SNX14: variants seen among roughly 807,000 people sequenced by gnomAD.
The protein encoded by SNX14 is sorting nexin-14.
A neutral mutation model predicts 133.8 loss-of-function variants in SNX14; 93 were observed. That is an observed-to-expected ratio of 0.70 (90% CI 0.59 to 0.83). SNX14 has a LOEUF of 0.83. SNX14 is among the 40% of genes least tolerant of loss of function. SNX14 has a pLI of 0.00. For synonymous variants in SNX14, 368 were observed against 365.6 expected (o/e 1.01, Z -0.07); for missense variants, 945 against 1,094.9 (o/e 0.86, Z 1.93).
intron 21 of SNX14, among the ~76,000 whole-genome samples, chr6:85,525,014 T>C (rs1218783383): frequency 6.6e-6 from 1 of 152,198 alleles, no homozygotes; most frequent in Non-Finnish European, 1.5e-5. Context: ...TCTATCTGGA[T>C]TTCTGCTGAA....
intron 4 of SNX14, chr6:85,568,041 A>C (rs1794452835): frequency 6.6e-6 from 1 of 152,226 alleles, no homozygotes; most frequent in African/African-American, 2.4e-5. Flanking sequence ...CAAAATGTAT[A>C]TTTCATCCTT....
chr6:85,590,425 T>A (rs1802432672), intron 1 of SNX14, among the ~76,000 whole-genome samples: 1 of 152,196 alleles, frequency 6.6e-6, no homozygotes, highest in Non-Finnish European at 1.5e-5. Context: ...AGCCATTCTT[T>A]TATTCTTTTG....
chr6:85,592,967 C>G (rs1803350039), intron 1 of SNX14, among the ~76,000 whole-genome samples: 1 of 152,082 alleles, frequency 6.6e-6, no homozygotes, highest in South Asian at 2.1e-4. Context: ...TGAGCCGAGA[C>G]CGCACCACTG....
In SNX14 at chr6:85,518,019, G is replaced by T. The variant is rs760527415; in HGVS notation, c.2137C>A (p.Leu713Ile). ...GKIIKSVPGK[L>I]MKEKGQHLEP... ...AATCAGTTACTCACCTCTTTCATTA[G>T]TTTTCCAGGAACAGATTTTATAATT... Residue 713 changes from leucine to isoleucine, a missense_variant, in exon 22 of 29, where the codon CTA (leucine) becomes ATA (isoleucine). By Grantham distance (5) the Leu-to-Ile change is conservative. This residue lies in a region of SNX14 where 412 missense variants were observed against 516.6 expected (regional missense o/e 0.80). Transcript: ENST00000314673. 3 of 1,604,374 alleles carry T rather than the reference G, an allele frequency of 1.9e-6. No individual in the cohort carries two copies. The South Asian group carries it at 3.4e-5, about 18-fold the overall frequency.
chr6:85,567,763 G>A (rs1226013170), intron 4 of SNX14, 186 bp from the exon 5 acceptor site: 4 of 372,546 alleles, frequency 1.1e-5, no homozygotes, highest in Non-Finnish European at 2.0e-5. Flanking sequence ...CAGGTGGATG[G>A]CTTTAGCTCA....
rs529960318 is a variant in SNX14, at chr6:85,517,878, GT to G, written c.2149-4del. 121 of 1,596,200 alleles carry G rather than the reference GT, an allele frequency of 7.6e-5. No homozygotes were observed. The African/African-American group carries it at 1.3e-3, about 17-fold the overall frequency. On this transcript the variant is annotated splice_polypyrimidine_tract_variant and splice_region_variant and intron_variant, in intron 22 of 28. Coordinates refer to ENST00000314673, the MANE Select transcript of SNX14 (RefSeq NM_153816.6). ...AAAGGTTCCAAATGCTGACCTTTCTGTGGTGATAGATTATTGTAAGAAAATA... is the reference window on the plus strand; with the variant it reads ...AAAGGTTCCAAATGCTGACCTTTCTGGGTGATAGATTATTGTAAGAAAATA...
In SNX14 at chr6:85,505,868, T is replaced by C. The variant is rs902485654; in HGVS notation, c.*99A>G. 1 of 759,044 alleles carries C rather than the reference T, an allele frequency of 1.3e-6. No homozygotes were observed. The highest frequency in any genetic ancestry group is 2.3e-6 in the Non-Finnish European group (1 of 441,794). 47.0% of individuals were successfully genotyped at this position (759,044 alleles called of 1,614,324 possible). Reference sequence around the variant, plus strand: ...AAATAACTAAAATTTCAGACAGCGATGTACATAATATATATAAGAATATAC... The same window carrying C: ...AAATAACTAAAATTTCAGACAGCGACGTACATAATATATATAAGAATATAC... On this transcript the variant is annotated 3_prime_UTR_variant, in exon 29 of 29. Coordinates refer to ENST00000314673, the MANE Select transcript of SNX14 (RefSeq NM_153816.6).
At chr6:85,531,000 T>G (rs1780120884) in intron 18 of SNX14, among the ~76,000 whole-genome samples, 1 of 152,234 alleles carries the variant, frequency 6.6e-6, no homozygotes, top group Non-Finnish European at 1.5e-5. Context: ...TAGAACTTTC[T>G]GCAGTTACGA....
intron 18 of SNX14, among the ~76,000 whole-genome samples, chr6:85,531,286 C>T (rs949307369): frequency 2.0e-5 from 3 of 152,160 alleles, no homozygotes; most frequent in African/African-American, 7.2e-5. Flanking sequence ...TCTTACAGTG[C>T]TTAGATGTAG....
At chr6:85,584,235 T>C (rs752581695) in intron 1 of SNX14, among the ~76,000 whole-genome samples, 2 of 152,140 alleles carry the variant, frequency 1.3e-5, no homozygotes, top group Non-Finnish European at 2.9e-5. Context: ...TTACACCTTA[T>C]ACAAAAATCA....
At chr6:85,578,199 A>G (rs1797906572) in intron 1 of SNX14, among the ~76,000 whole-genome samples, 1 of 152,224 alleles carries the variant, frequency 6.6e-6, no homozygotes, top group African/African-American at 2.4e-5. Flanking sequence ...CAGAATCTAC[A>G]TGGAAGAAAC....
In SNX14 at chr6:85,558,132, T is replaced by C. The variant is rs530757516; in HGVS notation, c.550-72A>G. ...TACAATGGCAGGTACACTACAATTATGATATTGGAATATATCTTAAAAATT... is the reference window on the plus strand; with the variant it reads ...TACAATGGCAGGTACACTACAATTACGATATTGGAATATATCTTAAAAATT... On this transcript the variant is annotated intron_variant, in intron 6 of 28. Coordinates refer to ENST00000314673, the MANE Select transcript of SNX14 (RefSeq NM_153816.6). 4 of 756,388 alleles carry C rather than the reference T, an allele frequency of 5.3e-6. No individual in the cohort carries two copies. The East Asian group carries it at 1.0e-4, about 19-fold the overall frequency. 46.9% of individuals were successfully genotyped at this position (756,388 alleles called of 1,614,324 possible).
chr6:85,572,271 C>A, intron 3 of SNX14, 27 bp downstream of exon 3: 14 of 1,610,652 alleles, frequency 8.7e-6, no homozygotes, highest in Non-Finnish European at 1.2e-5. Flanking sequence ...TTAGAAGGAT[C>A]AACAAATAAA....
At position 85,540,694 on chromosome 6, in the gene SNX14, C is replaced by T. The variant is rs931227192; in HGVS notation, c.1448+1291G>A. On this transcript the variant is annotated intron_variant, in intron 15 of 28. Transcript: ENST00000314673. ...TTCAACATTCAAAAAAACATCTATT[C>T]CCATAACACTTGGTTACGTCAAGAA... Among the ~76,000 whole-genome samples the T allele has an allele frequency of 2.0e-5, 3 of 152,156 alleles. No individual in the cohort carries two copies. The East Asian group carries it at 5.8e-4, about 29-fold the overall frequency.
rs1775593663 is a variant in SNX14, at chr6:85,517,893, T to C, written c.2149-18A>G. On this transcript the variant is annotated intron_variant, in intron 22 of 28. Coordinates refer to ENST00000314673, the MANE Select transcript of SNX14 (RefSeq NM_153816.6). The stretch of plus-strand genomic sequence containing the variant: ...TGACCTTTCTGTGGTGATAGATTAT[T>C]GTAAGAAAATAAAAAATAAAGGTAA... 6.3e-7 allele frequency: 1 copy of C among 1,580,980 alleles called. No individual in the cohort carries two copies. Among genetic ancestry groups the C allele is most frequent in the African/African-American group, 1.4e-5 (1 of 72,858 alleles).
At chr6:85,586,373 C>T (rs1455375455) in intron 1 of SNX14, among the ~76,000 whole-genome samples, 1 of 151,968 alleles carries the variant, frequency 6.6e-6, no homozygotes, top group African/African-American at 2.4e-5. Context: ...ATGTGTCAAC[C>T]CTTATTCTAG....
chr6:85,536,338 C>T (rs902244777), intron 17 of SNX14, among the ~76,000 whole-genome samples: 1 of 152,140 alleles, frequency 6.6e-6, no homozygotes, highest in Non-Finnish European at 1.5e-5. Context: ...AGGATAGTGC[C>T]TGAGATTCTG....
chr6:85,588,799 T>G, intron 1 of SNX14: 1 of 448,798 alleles, frequency 2.2e-6, no homozygotes, highest in South Asian at 1.6e-5. Flanking sequence ...ATTCTTACAA[T>G]GATGTAAGCT....
At chr6:85,581,153 A>C (rs968911502) in intron 1 of SNX14, 2 of 152,270 alleles carry the variant, frequency 1.3e-5, no homozygotes, top group Non-Finnish European at 2.9e-5. Flanking sequence ...GAGAGACTCC[A>C]TTTGATTGGA....
Sources: allele counts gnomAD v4.1 joint callset (sites outside exome capture counted in the v4.1 genomes callset), GRCh38; gene constraint gnomAD v4.1.1; regional missense constraint gnomAD v4.1.1; transcripts MANE v1.5; gene names NCBI Gene and HGNC (gene_info 2026-07-23, HGNC 2026-07-21).